Variants in BICD1 observed in about 807,000 individuals in gnomAD.
BICD1 encodes protein bicaudal D homolog 1.
Under a neutral mutation model 92.5 loss-of-function variants are expected in BICD1, and 35 were observed. The ratio of observed to expected loss-of-function variants is 0.38; its 90% CI spans 0.29 to 0.50. BICD1 has a LOEUF of 0.50. BICD1 is among the 20% of genes least tolerant of loss of function. The pLI is 0.93. For synonymous variants in BICD1, 429 were observed against 465.1 expected (o/e 0.92, Z 1.00); for missense variants, 950 against 1,189.8 (o/e 0.80, Z 2.97).
At chr12:32,316,411 C>T (rs1948502269) in intron 4 of BICD1, among the ~76,000 whole-genome samples, 1 of 151,758 alleles carries the variant, frequency 6.6e-6, no homozygotes, top group African/African-American at 2.4e-5. Context: ...GTGCCTCAGC[C>T]TCCTGAGTAG....
chr12:32,324,914 G>A (rs1361117808), intron 4 of BICD1, among the ~76,000 whole-genome samples: 2 of 152,080 alleles, frequency 1.3e-5, no homozygotes. Flanking sequence ...TGAAAAATTT[G>A]CCTCCACTAA....
chr12:32,176,008 T>C (rs1944079348), intron 1 of BICD1, among the ~76,000 whole-genome samples: 1 of 152,214 alleles, frequency 6.6e-6, no homozygotes, highest in Non-Finnish European at 1.5e-5. Flanking sequence ...TCTGACTGCT[T>C]TCGCTTAGCA....
rs190801794 is a variant in BICD1 at position 32,158,110 on chromosome 12, T to C, written c.213+50566T>C. 1.3e-3 allele frequency among the ~76,000 whole-genome samples: 198 copies of C among 149,764 alleles called. 2 individuals carry two copies. Among genetic ancestry groups the C allele is most frequent in the African/African-American group, 4.5e-3 (185 of 40,904 alleles). On this transcript the variant is annotated intron_variant, in intron 1 of 9. Transcript: ENST00000652176. ...GAGCCTAGGGGTTTTTTTTTTCTTT[T>C]TTTTTTTTTTTTGAGATGGAGTTTC... is the stretch of plus-strand genomic sequence containing the variant.
At chr12:32,187,650 C>T (rs551327267) in intron 1 of BICD1, among the ~76,000 whole-genome samples, 14 of 151,796 alleles carry the variant, frequency 9.2e-5, no homozygotes, top group African/African-American at 2.7e-4. Context: ...CCAGCCTGGG[C>T]AACAGAGCGA....
chr12:32,223,078 A>G (rs1945582021), intron 2 of BICD1, among the ~76,000 whole-genome samples: 2 of 152,216 alleles, frequency 1.3e-5, no homozygotes, highest in African/African-American at 4.8e-5. Context: ...CACTTGCTGC[A>G]TTCAGTTAAA....
intron 2 of BICD1, among the ~76,000 whole-genome samples, chr12:32,285,178 T>C (rs763107588): frequency 1.3e-5 from 2 of 152,232 alleles, no homozygotes; most frequent in Non-Finnish European, 2.9e-5. Flanking sequence ...TACCCAATGA[T>C]AACTTCCTTT....
At chr12:32,108,456 A>G (rs984823957) in intron 1 of BICD1, 1 of 452,410 alleles carries the variant, frequency 2.2e-6, no homozygotes, top group African/African-American at 2.0e-5. Context: ...TTGTTTAAGT[A>G]ACTCGGTCTT....
At position 32,228,277 on chromosome 12, in the gene BICD1, T is replaced by A. The variant is rs1313671472; in HGVS notation, c.426+11818T>A. 9 of 152,382 alleles carry A rather than the reference T, an allele frequency of 5.9e-5. 1 individual carries two copies. The highest frequency in any genetic ancestry group is 5.9e-4 in the Admixed American group (9 of 15,288). 9.4% of individuals were successfully genotyped at this position (152,382 alleles called of 1,614,324 possible). ...TATAAATGTCCAATTGTCCATTTGT[T>A]GAAAAGACTACTCTTTCTCCATTGA... On this transcript the variant is annotated intron_variant, in intron 2 of 9. Transcript: ENST00000652176.
At chr12:32,340,705 C>A in intron 8 of BICD1, 1 of 233,476 alleles carries the variant, frequency 4.3e-6, no homozygotes, top group Non-Finnish European at 7.0e-6. Flanking sequence ...CATTATATCA[C>A]AAGCTTTTCC....
At chr12:32,202,696 G>C (rs1055196019) in intron 1 of BICD1, among the ~76,000 whole-genome samples, 1 of 151,972 alleles carries the variant, frequency 6.6e-6, no homozygotes, top group Non-Finnish European at 1.5e-5. Context: ...CTGCAGCCTC[G>C]ACCTTCCAGG....
At chr12:32,225,441 T>A (rs1945649243) in intron 2 of BICD1, among the ~76,000 whole-genome samples, 1 of 152,150 alleles carries the variant, frequency 6.6e-6, no homozygotes, top group African/African-American at 2.4e-5. Context: ...TACGTTTTCG[T>A]GAAGTTTTCA....
chr12:32,225,621 G>GTTTCTGTTTTTT (rs1945657675), intron 2 of BICD1, among the ~76,000 whole-genome samples: 1 of 92,776 alleles, frequency 1.1e-5, no homozygotes, highest in Non-Finnish European at 2.1e-5. Flanking sequence ...CTTTTTTTCT[G>GTTTCTGTTTTTT]TTTTTTTTTT....
At chr12:32,208,037 A>G (rs1945112218) in intron 1 of BICD1, among the ~76,000 whole-genome samples, 1 of 152,230 alleles carries the variant, frequency 6.6e-6, no homozygotes, top group Non-Finnish European at 1.5e-5. Flanking sequence ...GATATTTAAT[A>G]AGCATTTACT....
rs922442492 is a variant in BICD1 at position 32,181,372 on chromosome 12, A to G, written c.214-34875A>G. Among the ~76,000 whole-genome samples, 6 of 151,716 alleles carry G rather than the reference A, an allele frequency of 4.0e-5. No individual in the cohort carries two copies. The South Asian group carries it at 1.3e-3, about 32-fold the overall frequency. ...GAGGCAGAGGTTGCGGTGAGCAGAGATCACCCCACGGCACTCCAGCCTGGG... is the reference window on the plus strand; with the variant it reads ...GAGGCAGAGGTTGCGGTGAGCAGAGGTCACCCCACGGCACTCCAGCCTGGG... On this transcript the variant is annotated intron_variant, in intron 1 of 9. Transcript: ENST00000652176.
At chr12:32,285,255 C>T (rs806784) in intron 2 of BICD1, among the ~76,000 whole-genome samples, 94,671 of 151,868 alleles carry the variant, frequency 0.62, 30,468 homozygotes, top group Middle Eastern at 0.77. Flanking sequence ...AACTTCTGCT[C>T]GTGTTACCAT....
At chr12:32,141,783 A>G (rs533546661) in intron 1 of BICD1, among the ~76,000 whole-genome samples, 1 of 152,138 alleles carries the variant, frequency 6.6e-6, no homozygotes, top group East Asian at 1.9e-4. Flanking sequence ...CTGGACACCC[A>G]TTTTGAATAG....
chr12:32,381,972 A>G lies in BICD1; in HGVS notation c.*4345A>G, dbSNP rs1940194974. On this transcript the variant is annotated 3_prime_UTR_variant, in exon 10 of 10. Coordinates refer to ENST00000652176, the MANE Select transcript of BICD1 (RefSeq NM_001714.4). ...CTGGAGTTATGATAGGTTATGACAG[A>G]GAGCATGATCAGTGCTGATACTGAC... The G allele has an allele frequency of 6.6e-6, 1 of 152,136 alleles. No individual in the cohort carries two copies. The highest frequency in any genetic ancestry group is 2.4e-5 in the African/African-American group (1 of 41,460). 9.4% of individuals were successfully genotyped at this position (152,136 alleles called of 1,614,324 possible). A position where few individuals can be genotyped will look rare whatever the true frequency, so the allele number is the denominator to read the frequency against.
chr12:32,348,934 A>G (rs1328454310), intron 8 of BICD1, among the ~76,000 whole-genome samples: 3 of 151,748 alleles, frequency 2.0e-5, no homozygotes, highest in African/African-American at 7.3e-5. Flanking sequence ...TAATCTTACC[A>G]CCTTCTACCT....
intron 4 of BICD1, among the ~76,000 whole-genome samples, chr12:32,321,756 T>C (rs1276682883): frequency 6.6e-6 from 1 of 152,174 alleles, no homozygotes; most frequent in Non-Finnish European, 1.5e-5. Flanking sequence ...CCCAGCACTT[T>C]TGGAGGCCAA....
Sources: gnomAD v4.1 joint callset for allele counts (sites outside exome capture counted in the v4.1 genomes callset) on GRCh38, gnomAD v4.1.1 for gene constraint, MANE v1.5 for transcripts, NCBI Gene and HGNC (gene_info 2026-07-23, HGNC 2026-07-21) for gene names.